TLN2: variants seen among roughly 807,000 people sequenced by gnomAD.
TLN2 encodes talin 2.
A neutral mutation model predicts 294.7 loss-of-function variants in TLN2; 118 were observed. That is an observed-to-expected ratio of 0.40 (90% CI 0.34 to 0.47). The LOEUF is 0.47. TLN2 is among the 20% of genes least tolerant of loss of function. The pLI, the probability that TLN2 is intolerant of heterozygous loss-of-function variation, is 0.84. For missense variants in TLN2, 3,083 were observed against 3,282.2 expected (o/e 0.94, Z 1.48); for synonymous variants, 1,431 against 1,304.5 (o/e 1.10, Z -2.09).
In TLN2 at chr15:62,800,757, G is replaced by A. The variant is rs143127416; in HGVS notation, c.6465G>A (p.Lys2155=). The A allele has an allele frequency of 3.3e-5, 54 of 1,612,076 alleles. 1 individual carries two copies. The African/African-American group carries it at 3.7e-4, about 11-fold the overall frequency. ...TTGAGGCCACAATTGAATGCATAAA[G>A]CAGGAGCTTACGGTAAGGAGCCAGC... is the stretch of plus-strand genomic sequence containing the variant. ...RALEATIECI[K]QELTVFQSKD... The change falls in exon 50 of 59, where the codon AAG becomes AAA. Residue 2155 remains lysine (K), a synonymous_variant. Transcript: ENST00000636159.
At chr15:62,727,254 G>A (rs1431089360) in intron 28 of TLN2, 65 bp downstream of exon 28, 6 of 1,432,370 alleles carry the variant, frequency 4.2e-6, no homozygotes, top group African/African-American at 2.8e-5. Context: ...TGGGGGAGGA[G>A]GAGGAGTTCA....
intron 1 of TLN2, among the ~76,000 whole-genome samples, chr15:62,452,345 C>A (rs947090009): frequency 1.3e-5 from 2 of 152,140 alleles, no homozygotes; most frequent in Non-Finnish European, 2.9e-5. Flanking sequence ...TTAGTAGATA[C>A]CTATTCCGTG....
chr15:62,663,884 C>T (rs1360246119), intron 9 of TLN2, among the ~76,000 whole-genome samples: 2 of 151,818 alleles, frequency 1.3e-5, no homozygotes, highest in African/African-American at 4.9e-5. Context: ...CAGTCACTTA[C>T]ATAATAATGA....
intron 1 of TLN2, among the ~76,000 whole-genome samples, chr15:62,464,339 T>C (rs938223223): frequency 6.6e-6 from 1 of 152,036 alleles, no homozygotes; most frequent in Non-Finnish European, 1.5e-5. Flanking sequence ...AACCAAACAC[T>C]ACATGTTCTC....
At chr15:62,657,704 T>A in intron 8 of TLN2, 67 bp from the exon 9 acceptor site, 1 of 1,562,068 alleles carries the variant, frequency 6.4e-7, no homozygotes, top group Non-Finnish European at 8.6e-7. Context: ...GCCATGGGAA[T>A]GCGTCAGTGG....
intron 1 of TLN2, among the ~76,000 whole-genome samples, chr15:62,419,480 C>T (rs373561548): frequency 4.6e-5 from 7 of 152,166 alleles, no homozygotes; most frequent in South Asian, 2.1e-4. Context: ...ATCAGAGCTG[C>T]CACTACAAAT....
At position 62,716,328 on chromosome 15, in the gene TLN2, C is replaced by T. The variant is rs2059772330; in HGVS notation, c.2635-3C>T. On this transcript the variant is annotated splice_polypyrimidine_tract_variant and splice_region_variant and intron_variant, in intron 22 of 58. Coordinates refer to ENST00000636159, the MANE Select transcript of TLN2 (RefSeq NM_015059.3). The stretch of plus-strand genomic sequence containing the variant: ...CTTGAAATCTTTATTTTTGCCTTTG[C>T]AGGGGGCTGCAGCCAACCCAGAGAA... 1 of 1,590,192 alleles carries T rather than the reference C, an allele frequency of 6.3e-7. No individual in the cohort carries two copies. The highest frequency in any genetic ancestry group is 2.3e-5 in the East Asian group (1 of 43,874).
At chr15:62,639,208 A>G (rs1337017917) in intron 3 of TLN2, among the ~76,000 whole-genome samples, 1 of 150,742 alleles carries the variant, frequency 6.6e-6, no homozygotes, top group Non-Finnish European at 1.5e-5. Flanking sequence ...AATGGCAAAT[A>G]TATTCCTGAC....
chr15:62,826,867 AAT>A (rs1276402452), intron 54 of TLN2, among the ~76,000 whole-genome samples: 1 of 152,164 alleles, frequency 6.6e-6, no homozygotes, highest in Non-Finnish European at 1.5e-5. Context: ...CACTTTAAAA[AAT>A]ATATATCCAA....
In TLN2 at chr15:62,678,311, G is replaced by A. The variant is rs551740214; in HGVS notation, c.957+2990G>A. Among the ~76,000 whole-genome samples, 5 of 152,256 alleles carry A rather than the reference G, an allele frequency of 3.3e-5. No individual in the cohort carries two copies. In the South Asian group the frequency reaches 8.3e-4, roughly 25 times the overall value. Reference sequence around the variant, plus strand: ...TGGTATAGCTAAAAAATTCAGGAATGAGTCAATATTAAGAATTAATGAACC... The same window carrying A: ...TGGTATAGCTAAAAAATTCAGGAATAAGTCAATATTAAGAATTAATGAACC... On this transcript the variant is annotated intron_variant, in intron 11 of 58. Transcript: ENST00000636159.
In TLN2 at chr15:62,792,665, G is replaced by T. The variant is rs779752885; in HGVS notation, c.5761G>T (p.Val1921Leu). Residue 1921 changes from valine to leucine, a missense_variant, in exon 46 of 59, where the codon GTG (valine) becomes TTG (leucine). Val to Leu is a conservative substitution (Grantham distance 32). Coordinates refer to ENST00000636159, the MANE Select transcript of TLN2 (RefSeq NM_015059.3). ...EEIGFQIRTRVQDLGHGCIFL... is the reference protein window; with the variant it reads ...EEIGFQIRTRLQDLGHGCIFL... The stretch of plus-strand genomic sequence containing the variant: ...GATCGGATTCCAGATTCGCACTCGT[G>T]TGCAGGACCTGGGCCACGGCTGTAT... 6.2e-7 allele frequency: 1 copy of T among 1,613,728 alleles called. No homozygotes were observed.
At chr15:62,615,148 T>C (rs1022236472) in intron 2 of TLN2, among the ~76,000 whole-genome samples, 1 of 152,190 alleles carries the variant, frequency 6.6e-6, no homozygotes, top group Non-Finnish European at 1.5e-5. Context: ...TTAAAAGATA[T>C]TTGAAAAGTC....
At chr15:62,536,084 C>T (rs779259330) in intron 1 of TLN2, among the ~76,000 whole-genome samples, 7 of 152,128 alleles carry the variant, frequency 4.6e-5, no homozygotes, top group Admixed American at 3.3e-4. Flanking sequence ...TTCTGAAATC[C>T]AGTATCTTAA....
chr15:62,395,330 G>A (rs1306277349), intron 1 of TLN2, among the ~76,000 whole-genome samples: 1 of 151,948 alleles, frequency 6.6e-6, no homozygotes, highest in Non-Finnish European at 1.5e-5. Context: ...CCCAGAACAA[G>A]GGATGCAAAT....
intron 3 of TLN2, among the ~76,000 whole-genome samples, chr15:62,623,095 T>C (rs1163062107): frequency 6.6e-6 from 1 of 152,212 alleles, no homozygotes; most frequent in Non-Finnish European, 1.5e-5. Context: ...TTAATATCCA[T>C]ATGGAGTAAC....
chr15:62,728,938 G>C (rs374795108), intron 28 of TLN2, among the ~76,000 whole-genome samples: 3 of 152,216 alleles, frequency 2.0e-5, no homozygotes, highest in South Asian at 2.1e-4. Flanking sequence ...GATTAATGCA[G>C]ATGTTCTCCT....
chr15:62,602,120 A>G (rs4569205), intron 2 of TLN2, among the ~76,000 whole-genome samples: 60,909 of 152,008 alleles, frequency 0.4, 12,771 homozygotes, highest in East Asian at 0.59. Context: ...ATTTATCATT[A>G]TTTCTGGATA....
chr15:62,652,845 TAA>T (rs1006256871), intron 6 of TLN2, among the ~76,000 whole-genome samples: 1 of 152,158 alleles, frequency 6.6e-6, no homozygotes. Context: ...GTAGTGACAA[TAA>T]CCCTGTGAAA....
chr15:62,780,241 G>C (rs1370326992), intron 43 of TLN2, among the ~76,000 whole-genome samples: 21 of 152,136 alleles, frequency 1.4e-4, no homozygotes, highest in Non-Finnish European at 3.1e-4. Flanking sequence ...GCAACCAGTG[G>C]TGATGGTGAG....
Sources: allele counts gnomAD v4.1 joint callset (sites outside exome capture counted in the v4.1 genomes callset), GRCh38; gene constraint gnomAD v4.1.1; transcripts MANE v1.5; gene names NCBI Gene and HGNC (gene_info 2026-07-23, HGNC 2026-07-21).